Variants in TMEM260 observed in about 807,000 individuals in gnomAD.
TMEM260 encodes the protein protein O-mannosyl-transferase TMEM260.
A neutral mutation model predicts 88.9 loss-of-function variants in TMEM260; 82 were observed. That is an observed-to-expected ratio of 0.92 (90% CI 0.77 to 1.11). The LOEUF is 1.11. TMEM260 is among the 50% of genes least tolerant of loss of function. TMEM260 has a pLI of 0.00. For missense variants in TMEM260, 902 were observed against 853.4 expected (o/e 1.06, Z -0.71); for synonymous variants, 314 against 309.3 (o/e 1.02, Z -0.16).
At chr14:56,621,393 A>G in intron 10 of TMEM260, 138 bp from the exon 11 acceptor site, 1 of 600,326 alleles carries the variant, frequency 1.7e-6, no homozygotes, top group East Asian at 3.0e-5. Flanking sequence ...CTTCAAATAT[A>G]CATATTATTT....
intron 4 of TMEM260, among the ~76,000 whole-genome samples, chr14:56,605,173 A>G (rs1276100205): frequency 3.3e-5 from 5 of 152,214 alleles, no homozygotes; most frequent in African/African-American, 9.6e-5. Flanking sequence ...ACACCCAGAG[A>G]TAACCAGATT....
At chr14:56,626,607 A>G (rs1888258159) in intron 12 of TMEM260, among the ~76,000 whole-genome samples, 2 of 152,326 alleles carry the variant, frequency 1.3e-5, no homozygotes, top group African/African-American at 2.4e-5. Context: ...GACATAGTAT[A>G]TACTCAATAG....
intron 12 of TMEM260, among the ~76,000 whole-genome samples, chr14:56,628,531 T>C (rs1888378445): frequency 6.6e-6 from 1 of 152,240 alleles, no homozygotes; most frequent in African/African-American, 2.4e-5. Flanking sequence ...TAGTTTTGTT[T>C]TTGTGTTTGG....
chr14:56,630,539 T>A (rs1419304716), intron 12 of TMEM260, among the ~76,000 whole-genome samples: 1 of 152,156 alleles, frequency 6.6e-6, no homozygotes, highest in Non-Finnish European at 1.5e-5. Context: ...AGCCATTTGG[T>A]TCCTTTTTAT....
At chr14:56,611,519 A>G (rs1887274868) in intron 6 of TMEM260, among the ~76,000 whole-genome samples, 1 of 152,218 alleles carries the variant, frequency 6.6e-6, no homozygotes, top group Non-Finnish European at 1.5e-5. Context: ...CAGAATGGCT[A>G]TTATATGAAA....
intron 12 of TMEM260, among the ~76,000 whole-genome samples, chr14:56,631,712 T>C (rs967530049): frequency 6.6e-6 from 1 of 152,092 alleles, no homozygotes; most frequent in African/African-American, 2.4e-5. Context: ...GGTTTGGCCC[T>C]AGAAGGTCAT....
downstream of TMEM260, among the ~76,000 whole-genome samples, chr14:56,651,985 C>T (rs1168483961): frequency 1.3e-5 from 2 of 152,168 alleles, no homozygotes; most frequent in Admixed American, 1.3e-4. Context: ...AAAGAAGGTA[C>T]TTGATATTTC....
rs1289362151 is a variant in TMEM260, at chr14:56,634,972, G to C, written c.1778+20G>C. ...AGCGAGGTGACTATTCTACATTTTT[G>C]TGTGTGCAGTCTATTTTTAATATGG... On this transcript the variant is annotated intron_variant, in intron 14 of 15. Coordinates refer to ENST00000261556, the MANE Select transcript of TMEM260 (RefSeq NM_017799.4). 1 of 1,610,582 alleles carries C rather than the reference G, an allele frequency of 6.2e-7. No homozygotes were observed. The highest frequency in any genetic ancestry group is 1.3e-5 in the African/African-American group (1 of 74,972).
At chr14:56,592,396 T>C (rs1043253338) in intron 3 of TMEM260, among the ~76,000 whole-genome samples, 2 of 152,294 alleles carry the variant, frequency 1.3e-5, no homozygotes, top group Non-Finnish European at 2.9e-5. Context: ...GGCCTCATTA[T>C]AATTTTCCCA....
downstream of TMEM260, among the ~76,000 whole-genome samples, chr14:56,653,504 C>T (rs1187412360): frequency 1.1e-4 from 16 of 151,754 alleles, no homozygotes; most frequent in East Asian, 3.9e-4. Flanking sequence ...GAGGCCAATG[C>T]GGGTGGATCA....
chr14:56,617,190 C>G lies in TMEM260; in HGVS notation c.949C>G (p.Gln317Glu). The G allele has an allele frequency of 6.3e-7, 1 of 1,582,788 alleles. No individual in the cohort carries two copies. The highest frequency in any genetic ancestry group is 1.2e-5 in the South Asian group (1 of 85,862). Residue 317 changes from glutamine (Q) to glutamate (E), a missense_variant, in exon 9 of 16, where the codon CAG becomes GAG. Transcript: ENST00000261556. ...ANICLATKDRQNPSLVWLFTG... is the reference protein window; with the variant it reads ...ANICLATKDRENPSLVWLFTG... The stretch of plus-strand genomic sequence containing the variant: ...TTTTATTATTTTTTGTAGGGACAGA[C>G]AGAATCCATCATTAGTATGGCTTTT...
chr14:56,646,262 G>C (rs1889959798), intron 15 of TMEM260, among the ~76,000 whole-genome samples: 1 of 152,178 alleles, frequency 6.6e-6, no homozygotes, highest in East Asian at 1.9e-4. Flanking sequence ...CCCTGGAGTA[G>C]GAATTGGAAA....
chr14:56,586,034 C>T, intron 3 of TMEM260, 122 bp downstream of exon 3: 2 of 1,034,602 alleles, frequency 1.9e-6, no homozygotes, highest in Non-Finnish European at 1.4e-6. Context: ...TGTGATTTCA[C>T]TTTCTTAATT....
intron 3 of TMEM260, among the ~76,000 whole-genome samples, chr14:56,597,654 A>G (rs867870148): frequency 3.5e-4 from 53 of 152,284 alleles, no homozygotes; most frequent in Middle Eastern, 3.4e-3. Flanking sequence ...TCTGTTGGCA[A>G]TGGCGGGCAT....
At chr14:56,643,170 A>G (rs1280390733) in intron 15 of TMEM260, among the ~76,000 whole-genome samples, 1 of 152,228 alleles carries the variant, frequency 6.6e-6, no homozygotes, top group Non-Finnish European at 1.5e-5. Flanking sequence ...TTATGAGGCC[A>G]GCATCATCCT....
intron 15 of TMEM260, among the ~76,000 whole-genome samples, chr14:56,642,050 A>T (rs1370750935): frequency 3.9e-5 from 6 of 152,184 alleles, no homozygotes; most frequent in Non-Finnish European, 2.9e-5. Flanking sequence ...CTCCCACACA[A>T]TAATAATGGG....
At chr14:56,590,591 T>A (rs919482215) in intron 3 of TMEM260, among the ~76,000 whole-genome samples, 3 of 152,232 alleles carry the variant, frequency 2.0e-5, no homozygotes, top group Non-Finnish European at 4.4e-5. Flanking sequence ...CTTTCTTGAT[T>A]TACTCTGCTT....
At chr14:56,609,063 C>G (rs1418045441) in intron 5 of TMEM260, 43 bp from the exon 6 acceptor site, 1 of 1,584,248 alleles carries the variant, frequency 6.3e-7, no homozygotes, top group South Asian at 1.1e-5. Flanking sequence ...GATGAATCTA[C>G]TAAAATAAAC....
chr14:56,613,373 ACTT>A (rs1336299536), intron 7 of TMEM260: 4 of 152,158 alleles, frequency 2.6e-5, no homozygotes, highest in East Asian at 1.9e-4. Context: ...TTTTTAAACA[ACTT>A]CTTTTTTCTA....
Sources: allele counts gnomAD v4.1 joint callset (sites outside exome capture counted in the v4.1 genomes callset), GRCh38; gene constraint gnomAD v4.1.1; transcripts MANE v1.5; gene names NCBI Gene and HGNC (gene_info 2026-07-23, HGNC 2026-07-21).